The following HDAC5 variants were observed in gnomAD, a reference collection of about 807,000 sequenced individuals.
The protein encoded by HDAC5 is histone deacetylase 5, also known as antigen NY-CO-9.
In HDAC5, 25 loss-of-function variants were observed where a neutral mutation model predicts 133.3. The ratio of observed to expected loss-of-function variants is 0.19; its 90% CI spans 0.14 to 0.26. The LOEUF (loss-of-function observed/expected upper bound fraction) is 0.26, where lower values mean the gene tolerates loss of function less well. Ranked by LOEUF, HDAC5 falls within the 10% of genes least tolerant of loss-of-function variation. HDAC5 has a pLI of 1.00. For synonymous variants in HDAC5, 589 were observed against 610.8 expected (o/e 0.96, Z 0.53); for missense variants, 1,041 against 1,460.5 (o/e 0.71, Z 4.68).
intron 3 of HDAC5, among the ~76,000 whole-genome samples, chr17:44,109,035 T>C (rs559648468): frequency 6.6e-6 from 1 of 152,018 alleles, no homozygotes; most frequent in Non-Finnish European, 1.5e-5. Flanking sequence ...AGGGAGGAGA[T>C]GAGAGAGCAG....
chr17:44,087,135 A>C (rs554520287), intron 13 of HDAC5, among the ~76,000 whole-genome samples: 71 of 151,732 alleles, frequency 4.7e-4, no homozygotes, highest in African/African-American at 1.6e-3. Flanking sequence ...GGACCGACGC[A>C]TGCATACACA....
At position 44,086,651 on chromosome 17, in the gene HDAC5, G is replaced by A; in HGVS notation, c.1971C>T (p.Gly657=). 7.7e-7 allele frequency: 1 copy of A among 1,301,390 alleles called. No individual in the cohort carries two copies. Among genetic ancestry groups the A allele is most frequent in the Non-Finnish European group, 9.8e-7 (1 of 1,017,382 alleles). 80.6% of individuals were successfully genotyped at this position (1,301,390 alleles called of 1,614,324 possible). Residue 657 remains glycine (G), a synonymous_variant, in exon 14 of 27, where the codon GGC becomes GGT. Transcript: ENST00000682912. ...GGGCAGCAGGGGAGGACTGGGTACG[G>A]CCCAGGGCCTGGTGGGGCACAGTGG... ...SLATVPHQAL[G]RTQSSPAAPG...
At chr17:44,100,644 G>A (rs1368005390) in intron 3 of HDAC5, among the ~76,000 whole-genome samples, 2 of 150,240 alleles carry the variant, frequency 1.3e-5, no homozygotes, top group Non-Finnish European at 3.0e-5. Context: ...CCAGCTACTC[G>A]GGCAGCTGAG....
intron 3 of HDAC5, among the ~76,000 whole-genome samples, chr17:44,097,951 T>C (rs1195389430): frequency 6.6e-6 from 1 of 152,234 alleles, no homozygotes; most frequent in African/African-American, 2.4e-5. Flanking sequence ...GCCCTATTGG[T>C]ATGCAGGTGG....
In HDAC5 at chr17:44,078,659, T is replaced by C; in HGVS notation, c.3170A>G (p.His1057Arg). 3 of 1,605,032 alleles carry C rather than the reference T, an allele frequency of 1.9e-6. No homozygotes were observed. Among genetic ancestry groups the C allele is most frequent in the Non-Finnish European group, 2.5e-6 (3 of 1,178,246 alleles). ...GGCGAACTTCTGCACACAGCTCCAG[T>C]GTTTGCCTGTGGACGAGAGACAGGC... is the stretch of plus-strand genomic sequence containing the variant. ...LEKVIEIQSK[H>R]WSCVQKFAAG... Residue 1057 changes from histidine (H) to arginine (R), a missense_variant, in exon 26 of 27, where the codon CAC (histidine) becomes CGC (arginine). Physicochemically the swap from His to Arg is conservative, Grantham distance 29. This residue lies in a region of HDAC5 where 95 missense variants were observed against 107.3 expected (regional missense o/e 0.88). Coordinates refer to ENST00000682912, the MANE Select transcript of HDAC5 (RefSeq NM_005474.5).
Position 44,081,618 on chromosome 17 carries a change from A to T in HDAC5, c.2608-736T>A, listed in dbSNP as rs1885746749. The T allele has an allele frequency of 1.5e-5, 2 of 134,628 alleles. 1 individual carries two copies. Among genetic ancestry groups the T allele is most frequent in the African/African-American group, 5.7e-5 (2 of 35,234 alleles). The allele number at this position is 134,628 out of a possible 1,614,324, so 8.3% of individuals were successfully genotyped here. On this transcript the variant is annotated intron_variant, in intron 20 of 26. Coordinates refer to ENST00000682912, the MANE Select transcript of HDAC5 (RefSeq NM_005474.5). ...TTTTGAGACAGAATCTCACTCTGTC[A>T]TCGAGGCTGGAGTGCAGTGGCATGA...
At chr17:44,108,209 G>A (rs974359081) in intron 3 of HDAC5, among the ~76,000 whole-genome samples, 1 of 152,168 alleles carries the variant, frequency 6.6e-6, no homozygotes, top group Admixed American at 6.5e-5. Context: ...ACAGCAGACT[G>A]CCCCTGTCCT....
At chr17:44,096,442 AAAAAAAC>A (rs2051275559) in intron 3 of HDAC5, among the ~76,000 whole-genome samples, 1 of 151,688 alleles carries the variant, frequency 6.6e-6, no homozygotes, top group South Asian at 2.1e-4. Flanking sequence ...GAGAGGGAAA[AAAAAAAC>A]AAAAAACAAG....
chr17:44,105,510 C>T (rs1200527712), intron 3 of HDAC5, among the ~76,000 whole-genome samples: 2 of 152,200 alleles, frequency 1.3e-5, no homozygotes, highest in Non-Finnish European at 2.9e-5. Context: ...ATTGCTAGGA[C>T]TGTTTGCTCC....
At position 44,102,442 on chromosome 17, in the gene HDAC5, C is replaced by A. The variant is rs1055872077; in HGVS notation, c.94+8287G>T. Among the ~76,000 whole-genome samples, 7 of 152,300 alleles carry A rather than the reference C, an allele frequency of 4.6e-5. No individual in the cohort carries two copies. In the East Asian group the frequency reaches 1.2e-3, roughly 25 times the overall value. Reference sequence around the variant, plus strand: ...GTGGTGCAATCTTGGCTCACTGCAACCTCCACCTCCCGGCTTCAAGTGATT... The same window carrying A: ...GTGGTGCAATCTTGGCTCACTGCAAACTCCACCTCCCGGCTTCAAGTGATT... On this transcript the variant is annotated intron_variant, in intron 3 of 26. Transcript: ENST00000682912.
chr17:44,079,287 TG>T lies in HDAC5; in HGVS notation c.2945-11del, dbSNP rs2050265006. 4 of 1,612,076 alleles carry T rather than the reference TG, an allele frequency of 2.5e-6. 1 individual carries two copies. Among genetic ancestry groups the T allele is most frequent in the Middle Eastern group, 1.6e-4 (1 of 6,080 alleles). On this transcript the variant is annotated splice_polypyrimidine_tract_variant and intron_variant, in intron 23 of 26. Coordinates refer to ENST00000682912, the MANE Select transcript of HDAC5 (RefSeq NM_005474.5). The stretch of plus-strand genomic sequence containing the variant: ...GTCAAGTGGCCAAAACCTTTGAGGA[TG>T]GGTGAAGGGAGGAAGAAGAAATGGC...
rs772550905 is a variant in HDAC5 at position 44,083,638 on chromosome 17, G to A, written c.2370C>T (p.Thr790=). ...PCGGIGVDSD[T]VWNEMHSSSA... ...TGGAGGAGTGCATCTCATTCCACACGGTGTCACTGTCCACCTGCAGGGCAG... is the reference window on the plus strand; with the variant it reads ...TGGAGGAGTGCATCTCATTCCACACAGTGTCACTGTCCACCTGCAGGGCAG... Residue 790 remains threonine (T), a synonymous_variant, in exon 18 of 27, where the codon ACC becomes ACT. Transcript: ENST00000682912. 4.3e-5 allele frequency: 70 copies of A among 1,613,720 alleles called. No homozygotes were observed. Among genetic ancestry groups the A allele is most frequent in the East Asian group, 1.8e-4 (8 of 44,890 alleles).
chr17:44,096,475 GT>G (rs753428334), intron 3 of HDAC5, among the ~76,000 whole-genome samples: 157 of 136,952 alleles, frequency 1.1e-3, no homozygotes, highest in Admixed American at 1.3e-3. Context: ...GTTTTTTTTT[GT>G]TTTTTTTTTT....
At chr17:44,095,015 A>G (rs2051179695) in intron 3 of HDAC5, among the ~76,000 whole-genome samples, 1 of 152,056 alleles carries the variant, frequency 6.6e-6, no homozygotes, top group African/African-American at 2.4e-5. Context: ...AGGCTGAATT[A>G]AACTCCTAGG....
At chr17:44,094,800 C>T (rs1223499732) in intron 3 of HDAC5, among the ~76,000 whole-genome samples, 1 of 151,530 alleles carries the variant, frequency 6.6e-6, no homozygotes, top group Non-Finnish European at 1.5e-5. Context: ...GTGTATTTAT[C>T]TCTCTACCTA....
intron 3 of HDAC5, among the ~76,000 whole-genome samples, chr17:44,095,352 A>T (rs2051200855): frequency 6.6e-6 from 1 of 152,172 alleles, no homozygotes; most frequent in Non-Finnish European, 1.5e-5. Flanking sequence ...AAAGCCTCAT[A>T]CTAGAAGAGA....
chr17:44,111,388 G>A (rs1424862317), intron 2 of HDAC5: 1 of 345,984 alleles, frequency 2.9e-6, no homozygotes, highest in African/African-American at 2.1e-5. Flanking sequence ...GCCAGGCGAG[G>A]GGGATGGGAA....
intron 16 of HDAC5, among the ~76,000 whole-genome samples, chr17:44,084,155 G>A (rs577694370): frequency 6.6e-6 from 1 of 151,276 alleles, no homozygotes; most frequent in East Asian, 1.9e-4. Flanking sequence ...CTGCCACAGG[G>A]CTACAGGCTT....
chr17:44,110,855 C>T, intron 2 of HDAC5, 55 bp from the exon 3 acceptor site: 1 of 1,473,636 alleles, frequency 6.8e-7, no homozygotes, highest in East Asian at 2.3e-5. Flanking sequence ...TCCACGAGCC[C>T]CTGAGCCTTG....
Sources: allele counts gnomAD v4.1 joint callset (sites outside exome capture counted in the v4.1 genomes callset), GRCh38; gene constraint gnomAD v4.1.1; regional missense constraint gnomAD v4.1.1; transcripts MANE v1.5; gene names NCBI Gene and HGNC (gene_info 2026-07-23, HGNC 2026-07-21).